ABCA13: variants seen among roughly 807,000 people sequenced by gnomAD.
The protein encoded by ABCA13 is ATP binding cassette subfamily A member 13, also known as ATP-binding cassette sub-family A member 13.
ABCA13 carries 476 observed loss-of-function variants against 478.7 expected under a neutral mutation model. The ratio of observed to expected loss-of-function variants is 0.99; its 90% CI spans 0.92 to 1.07. ABCA13 has a LOEUF of 1.07. ABCA13 is among the 50% of genes least tolerant of loss of function. The pLI, the probability that ABCA13 is intolerant of heterozygous loss-of-function variation, is 0.00. For synonymous variants in ABCA13, 2,252 were observed against 2,158.9 expected (o/e 1.04, Z -1.20); for missense variants, 6,060 against 5,910.6 (o/e 1.03, Z -0.83).
At chr7:48,254,165 A>C (rs1018551643) in intron 15 of ABCA13, among the ~76,000 whole-genome samples, 3 of 151,590 alleles carry the variant, frequency 2.0e-5, no homozygotes, top group Admixed American at 1.3e-4. Context: ...TTTACTAAAT[A>C]TTTTCTGCCT....
At chr7:48,212,509 C>G (rs1349731057) in intron 3 of ABCA13, among the ~76,000 whole-genome samples, 2 of 152,112 alleles carry the variant, frequency 1.3e-5, no homozygotes, top group Non-Finnish European at 2.9e-5. Context: ...AGTGTATGTC[C>G]AGGCTGTTTG....
chr7:48,301,760 C>G (rs1800187966), intron 23 of ABCA13, among the ~76,000 whole-genome samples: 1 of 152,112 alleles, frequency 6.6e-6, no homozygotes, highest in African/African-American at 2.4e-5. Flanking sequence ...ATGAAGTGCA[C>G]ACACCCATCC....
chr7:48,408,666 A>G (rs1345438637), intron 39 of ABCA13, among the ~76,000 whole-genome samples: 1 of 152,182 alleles, frequency 6.6e-6, no homozygotes, highest in Non-Finnish European at 1.5e-5. Context: ...TTGACACATG[A>G]TAATTGCATA....
At chr7:48,329,178 T>G (rs1804806297) in intron 27 of ABCA13, among the ~76,000 whole-genome samples, 1 of 152,180 alleles carries the variant, frequency 6.6e-6, no homozygotes, top group South Asian at 2.1e-4. Flanking sequence ...ACCAACATAA[T>G]GCATCTGTTT....
At chr7:48,220,695 A>G (rs188448958) in intron 4 of ABCA13, among the ~76,000 whole-genome samples, 85 of 152,302 alleles carry the variant, frequency 5.6e-4, no homozygotes, top group Non-Finnish European at 9.1e-4. Flanking sequence ...CAAACACCAA[A>G]TGATGGAGTT....
intron 29 of ABCA13, among the ~76,000 whole-genome samples, chr7:48,340,193 G>A (rs1159901537): frequency 2.0e-5 from 3 of 151,962 alleles, no homozygotes; most frequent in Admixed American, 1.3e-4. Context: ...TGCAACCTGC[G>A]ACTTCTGGGT....
intron 55 of ABCA13, among the ~76,000 whole-genome samples, chr7:48,569,129 A>G (rs1200888648): frequency 1.3e-5 from 2 of 151,920 alleles, no homozygotes; most frequent in Non-Finnish European, 2.9e-5. Flanking sequence ...TTCTGCTCAA[A>G]TCATTATTTT....
At chr7:48,535,379 C>T (rs1329669686) in intron 55 of ABCA13, among the ~76,000 whole-genome samples, 4 of 152,162 alleles carry the variant, frequency 2.6e-5, no homozygotes, top group Non-Finnish European at 4.4e-5. Flanking sequence ...GGTCTTTCAG[C>T]CGTGGATACC....
At chr7:48,612,822 T>C (rs1792158616) in intron 58 of ABCA13, among the ~76,000 whole-genome samples, 1 of 152,068 alleles carries the variant, frequency 6.6e-6, no homozygotes, top group Admixed American at 6.5e-5. Flanking sequence ...ATATATGAGA[T>C]GACATATTGA....
intron 42 of ABCA13, among the ~76,000 whole-genome samples, chr7:48,452,206 G>A (rs767482862): frequency 1.1e-4 from 17 of 152,126 alleles, no homozygotes; most frequent in African/African-American, 3.4e-4. Context: ...TCAACATTAC[G>A]TTTATTCTGG....
Position 48,273,080 on chromosome 7 carries a change from C to T in ABCA13, c.3414C>T (p.Phe1138=). ...FSNLSANVSV[F]NKFMSIHCTV... Reference sequence around the variant, plus strand: ...ACCTCTCAGCAAATGTCAGTGTGTTCAACAAGTTTATGTCCATTCACTGTA... The same window carrying T: ...ACCTCTCAGCAAATGTCAGTGTGTTTAACAAGTTTATGTCCATTCACTGTA... Residue 1138 remains phenylalanine, a synonymous_variant, in exon 17 of 62, where the codon TTC becomes TTT. Transcript: ENST00000435803. 6.2e-7 allele frequency: 1 copy of T among 1,613,536 alleles called. No homozygotes were observed. Among genetic ancestry groups the T allele is most frequent in the African/African-American group, 1.3e-5 (1 of 74,992 alleles).
intron 45 of ABCA13, among the ~76,000 whole-genome samples, chr7:48,479,773 A>G (rs1163863502): frequency 4.6e-5 from 7 of 152,170 alleles, no homozygotes; most frequent in Admixed American, 3.9e-4. Flanking sequence ...TCTTTTTAGT[A>G]TCTTTCCTCA....
intron 38 of ABCA13, among the ~76,000 whole-genome samples, chr7:48,400,631 T>A (rs1435078630): frequency 6.6e-6 from 1 of 152,226 alleles, no homozygotes; most frequent in Non-Finnish European, 1.5e-5. Flanking sequence ...ATTGCTGTCT[T>A]CTTTAATTTT....
intron 10 of ABCA13, among the ~76,000 whole-genome samples, chr7:48,244,280 C>T (rs532675441): frequency 1.2e-3 from 182 of 152,328 alleles, no homozygotes; most frequent in Non-Finnish European, 2.2e-3. Context: ...TGTTTTTAGA[C>T]CCCATGTGAA....
Position 48,274,827 on chromosome 7 carries a change from C to T in ABCA13, c.5161C>T (p.His1721Tyr), listed in dbSNP as rs1051762849. The T allele has an allele frequency of 6.2e-7, 1 of 1,613,826 alleles. No individual in the cohort carries two copies. Among genetic ancestry groups the T allele is most frequent in the African/African-American group, 1.3e-5 (1 of 74,906 alleles). Reference sequence around the variant, plus strand: ...GATGGAAAAATTTGCAGACAGCTCACATTCTTGGAATGTTAATCATCTGCT... The same window carrying T: ...GATGGAAAAATTTGCAGACAGCTCATATTCTTGGAATGTTAATCATCTGCT... ...GLMEKFADSS[H>Y]SWNVNHLLQL... Residue 1721 changes from histidine to tyrosine, a missense_variant, in exon 17 of 62, where the codon CAT becomes TAT. Coordinates refer to ENST00000435803, the MANE Select transcript of ABCA13 (RefSeq NM_152701.5).
chr7:48,573,746 A>T (rs1156369362), intron 55 of ABCA13, among the ~76,000 whole-genome samples: 2 of 152,126 alleles, frequency 1.3e-5, no homozygotes, highest in Admixed American at 1.3e-4. Context: ...AGCAACAACA[A>T]CAAGAACAAC....
At chr7:48,237,440 A>C (rs948384069) in intron 8 of ABCA13, among the ~76,000 whole-genome samples, 4 of 152,162 alleles carry the variant, frequency 2.6e-5, no homozygotes, top group Admixed American at 2.6e-4. Flanking sequence ...TAAACTACAA[A>C]CTAAATTCCT....
chr7:48,241,186 G>A (rs538328611), intron 10 of ABCA13, 120 bp downstream of exon 10: 40 of 1,238,762 alleles, frequency 3.2e-5, no homozygotes, highest in Middle Eastern at 2.8e-4. Context: ...TGAATTTCTT[G>A]TTAGCAAATG....
chr7:48,322,257 G>T (rs757487159), intron 27 of ABCA13, among the ~76,000 whole-genome samples: 3 of 152,242 alleles, frequency 2.0e-5, no homozygotes, highest in Non-Finnish European at 4.4e-5. Flanking sequence ...GCCGCCTGCA[G>T]AGGAGGGACT....
Sources: allele counts gnomAD v4.1 joint callset (sites outside exome capture counted in the v4.1 genomes callset), GRCh38; gene constraint gnomAD v4.1.1; transcripts MANE v1.5; gene names NCBI Gene and HGNC (gene_info 2026-07-23, HGNC 2026-07-21).